Variants in MAML3 observed in about 807,000 individuals in gnomAD.
MAML3 encodes the protein mastermind-like protein 3.
In MAML3, 27 loss-of-function variants were observed where a neutral mutation model predicts 101.9. That is an observed-to-expected ratio of 0.27 (90% CI 0.20 to 0.37). The LOEUF is 0.37. Among genes scored for constraint, MAML3 ranks in the 10% least tolerant of loss-of-function variants. The pLI, the probability that MAML3 is intolerant of heterozygous loss-of-function variation, is 1.00. For synonymous variants in MAML3, 501 were observed against 555.9 expected, an observed-to-expected ratio of 0.90 and a Z score of 1.39; for missense variants, 1,316 against 1,444.9, an observed-to-expected ratio of 0.91 and a Z score of 1.45.
intron 1 of MAML3, among the ~76,000 whole-genome samples, chr4:140,098,611 C>A (rs1301880021): frequency 6.6e-6 from 1 of 152,214 alleles, no homozygotes; most frequent in East Asian, 1.9e-4. Context: ...AGTACCAATG[C>A]CAAACACCAT....
intron 1 of MAML3, among the ~76,000 whole-genome samples, chr4:139,921,427 A>G (rs545126515): frequency 6.6e-6 from 1 of 152,180 alleles, no homozygotes; most frequent in Admixed American, 6.5e-5. Flanking sequence ...TTCTTTCACA[A>G]ATTCAACACC....
rs185663604 is a variant in MAML3, at chr4:140,035,590, A to C, written c.468+117270T>G. On this transcript the variant is annotated intron_variant, in intron 1 of 4. Transcript: ENST00000509479. ...AGCAGGTAGATCACGAGGTCAGGAGATCAAGACCATCCTGGCTAACACAGT... is the reference window on the plus strand; with the variant it reads ...AGCAGGTAGATCACGAGGTCAGGAGCTCAAGACCATCCTGGCTAACACAGT... Among the ~76,000 whole-genome samples the C allele has an allele frequency of 6.1e-4, 93 of 152,160 alleles. No homozygotes were observed. The Middle Eastern group carries it at 0.017, about 28-fold the overall frequency.
chr4:139,902,151 C>T (rs1344190433), intron 1 of MAML3, among the ~76,000 whole-genome samples: 1 of 152,214 alleles, frequency 6.6e-6, no homozygotes, highest in East Asian at 1.9e-4. Context: ...AAGCAGTACT[C>T]CCAGGCAGCT....
At position 140,153,359 on chromosome 4, in the gene MAML3, CT is replaced by C. The variant is rs773407965; in HGVS notation, c.-33del. The C allele has an allele frequency of 5.2e-6, 8 of 1,532,884 alleles. No individual in the cohort carries two copies. Among genetic ancestry groups the C allele is most frequent in the Non-Finnish European group, 5.3e-6 (6 of 1,141,838 alleles). 95.0% of individuals were successfully genotyped at this position (1,532,884 alleles called of 1,614,324 possible). On this transcript the variant is annotated 5_prime_UTR_variant, in exon 1 of 5. Coordinates refer to ENST00000509479, the MANE Select transcript of MAML3 (RefSeq NM_018717.5). ...CCCCGGGCACACTATTTTGGAAGAA[CT>C]TTTTTTATCCACCCCCCTATCAGCC...
At chr4:140,152,674 ATTAAC>A (rs1247309948) in intron 1 of MAML3, among the ~76,000 whole-genome samples, 181 bp downstream of exon 1, 1 of 151,780 alleles carries the variant, frequency 6.6e-6, no homozygotes, top group Non-Finnish European at 1.5e-5. Flanking sequence ...ACCCTGACAG[ATTAAC>A]AGGTAGCGAC....
chr4:140,031,922 C>T (rs150483583), intron 1 of MAML3, among the ~76,000 whole-genome samples: 1 of 152,322 alleles, frequency 6.6e-6, no homozygotes, highest in South Asian at 2.1e-4. Flanking sequence ...TCCCTCACCC[C>T]CAACTCTTAC....
chr4:139,944,578 C>T (rs1337562982), intron 1 of MAML3, among the ~76,000 whole-genome samples: 2 of 151,966 alleles, frequency 1.3e-5, no homozygotes, highest in Admixed American at 6.6e-5. Context: ...CCAGAATCTA[C>T]AATGAACTCA....
At position 140,101,882 on chromosome 4, in the gene MAML3, C is replaced by A. The variant is rs145062956; in HGVS notation, c.468+50978G>T. 2.9e-3 allele frequency among the ~76,000 whole-genome samples: 442 copies of A among 151,044 alleles called. 2 individuals carry two copies. Among genetic ancestry groups the A allele is most frequent in the African/African-American group, 0.01 (428 of 41,136 alleles). On this transcript the variant is annotated intron_variant, in intron 1 of 4. Transcript: ENST00000509479. ...TTTTTTTTTTACATTTGCCAGATTC[C>A]CCTTGTTTTGTCTTTCTAGCCAATA...
In MAML3 at chr4:139,982,121, C is replaced by A. The variant is rs1332820362; in HGVS notation, c.469-91154G>T. 2.6e-5 allele frequency among the ~76,000 whole-genome samples: 4 copies of A among 152,190 alleles called. No individual in the cohort carries two copies. In the East Asian group the frequency reaches 5.8e-4, roughly 22 times the overall value. On this transcript the variant is annotated intron_variant, in intron 1 of 4. Transcript: ENST00000509479. ...GATTCTACACAAATTATTTGAAATT[C>A]TTCTGTGTGATAGATTTGTCTTCTT...
chr4:139,843,597 G>C (rs1344635371), intron 2 of MAML3, among the ~76,000 whole-genome samples: 1 of 152,174 alleles, frequency 6.6e-6, no homozygotes, highest in Admixed American at 6.5e-5. Context: ...TTCACCAACT[G>C]TTTTGCTAGA....
chr4:139,879,910 C>T (rs1017956114), intron 2 of MAML3, among the ~76,000 whole-genome samples: 17 of 152,136 alleles, frequency 1.1e-4, no homozygotes, highest in Admixed American at 3.3e-4. Flanking sequence ...TGGTGGCTCA[C>T]GCCTGTAATC....
chr4:139,866,762 A>T (rs1420969731), intron 2 of MAML3, among the ~76,000 whole-genome samples: 1 of 152,226 alleles, frequency 6.6e-6, no homozygotes, highest in Non-Finnish European at 1.5e-5. Flanking sequence ...CGGCAATTCC[A>T]GTTTGACGCT....
At chr4:139,994,273 C>A (rs1271692136) in intron 1 of MAML3, among the ~76,000 whole-genome samples, 2 of 152,192 alleles carry the variant, frequency 1.3e-5, no homozygotes, top group Non-Finnish European at 2.9e-5. Context: ...ATAAGTCTTA[C>A]ACTTCTATTG....
At chr4:139,798,072 GAAAGAAAGAAAGAAAGAAAGAAA>G (rs1730546062) in intron 2 of MAML3, among the ~76,000 whole-genome samples, 1 of 139,892 alleles carries the variant, frequency 7.1e-6, no homozygotes, top group African/African-American at 3.0e-5. Context: ...AAGAAAGAAA[GAAAGAAAGAAAGAAAGAAAGAAA>G]AGGGATTAAG....
At chr4:139,868,771 T>C (rs1731948695) in intron 2 of MAML3, among the ~76,000 whole-genome samples, 2 of 151,760 alleles carry the variant, frequency 1.3e-5, no homozygotes, top group Admixed American at 6.6e-5. Flanking sequence ...TCAAAAGAAA[T>C]AGAATGTGAA....
intron 2 of MAML3, among the ~76,000 whole-genome samples, chr4:139,885,788 C>T (rs1009523170): frequency 6.7e-6 from 1 of 148,750 alleles, no homozygotes; most frequent in African/African-American, 2.5e-5. Flanking sequence ...AAAAAATTAG[C>T]CAGGCGTGCC....
chr4:139,809,912 G>A (rs1730767141), intron 2 of MAML3, among the ~76,000 whole-genome samples: 1 of 149,838 alleles, frequency 6.7e-6, no homozygotes, highest in Non-Finnish European at 1.5e-5. Flanking sequence ...ATGCTCCAGT[G>A]ACTGCATAAT....
intron 1 of MAML3, among the ~76,000 whole-genome samples, chr4:140,083,961 CACACACAGAGAGAGAG>C (rs759645425): frequency 5.3e-3 from 190 of 36,150 alleles, no homozygotes; most frequent in Middle Eastern, 0.016. Context: ...CACACACACA[CACACACAGAGAGAGAG>C]AGAGAGAGAG....
chr4:140,074,746 T>A (rs1727739348), intron 1 of MAML3, among the ~76,000 whole-genome samples: 1 of 152,164 alleles, frequency 6.6e-6, no homozygotes, highest in Non-Finnish European at 1.5e-5. Flanking sequence ...AAATTCACAG[T>A]CAGGAATGAC....
Sources: allele counts gnomAD v4.1 joint callset (sites outside exome capture counted in the v4.1 genomes callset), GRCh38; gene constraint gnomAD v4.1.1; transcripts MANE v1.5; gene names NCBI Gene and HGNC (gene_info 2026-07-23, HGNC 2026-07-21).